SLC30A5: variants seen among roughly 807,000 people sequenced by gnomAD.
SLC30A5 encodes the protein solute carrier family 30 member 5.
SLC30A5 carries 33 observed loss-of-function variants against 79.6 expected under a neutral mutation model. The observed-to-expected ratio is 0.41, with a 90% confidence interval of 0.31 to 0.55. The LOEUF (loss-of-function observed/expected upper bound fraction) is 0.55, where lower values mean the gene tolerates loss of function less well. Ranked by LOEUF, SLC30A5 falls within the 20% of genes least tolerant of loss-of-function variation. SLC30A5 has a pLI of 0.20. For synonymous variants in SLC30A5, 299 were observed against 319.7 expected (o/e 0.94, Z 0.69); for missense variants, 788 against 928.1 (o/e 0.85, Z 1.96).
intron 14 of SLC30A5, among the ~76,000 whole-genome samples, chr5:69,124,496 C>T (rs1047208800): frequency 6.6e-6 from 1 of 151,942 alleles, no homozygotes; most frequent in Non-Finnish European, 1.5e-5. Flanking sequence ...TATCTCTATA[C>T]CATATTATAT....
chr5:69,097,109 CTTTTTTTT>C (rs1228027917), intron 1 of SLC30A5, among the ~76,000 whole-genome samples: 17 of 87,890 alleles, frequency 1.9e-4, no homozygotes, highest in East Asian at 6.5e-4. Context: ...CTCTCTTTTT[CTTTTTTTT>C]TTTTTTTTTT....
At position 69,112,374 on chromosome 5, in the gene SLC30A5, A is replaced by G. The variant is rs139651806; in HGVS notation, c.448-766A>G. Among the ~76,000 whole-genome samples the G allele has an allele frequency of 7.8e-3, 1,181 of 152,262 alleles. 14 individuals are homozygous for G. The highest frequency in any genetic ancestry group is 0.027 in the African/African-American group (1,111 of 41,558). ...CTGAAATATTTACATAAACCGAGCT[A>G]ATATGTCCTTTCTATAATTTTCTTT... On this transcript the variant is annotated intron_variant, in intron 5 of 15. Coordinates refer to ENST00000396591, the MANE Select transcript of SLC30A5 (RefSeq NM_022902.5).
intron 14 of SLC30A5, among the ~76,000 whole-genome samples, chr5:69,127,787 C>A (rs1488233613): frequency 6.6e-6 from 1 of 152,158 alleles, no homozygotes; most frequent in Non-Finnish European, 1.5e-5. Context: ...ATATTTTAGG[C>A]ACCTTTACTT....
At chr5:69,104,382 T>C in intron 3 of SLC30A5, 2 of 937,654 alleles carry the variant, frequency 2.1e-6, no homozygotes, top group Non-Finnish European at 2.8e-6. Context: ...CCTCAGGTGA[T>C]CTGCCTGCCT....
In SLC30A5 at chr5:69,117,391, C is replaced by A; in HGVS notation, c.1434C>A (p.Ser478=). 1 of 1,613,800 alleles carries A rather than the reference C, an allele frequency of 6.2e-7. No homozygotes were observed. Among genetic ancestry groups the A allele is most frequent in the Non-Finnish European group, 8.5e-7 (1 of 1,179,888 alleles). Residue 478 remains serine (S), a synonymous_variant, in exon 11 of 16, where the codon TCC becomes TCA. Transcript: ENST00000396591. ...GGTGGAAAGCCACTCGGATTTTCTC[C>A]TATGGGTAGGTACATTGACTGTCGA... is the stretch of plus-strand genomic sequence containing the variant. ...MSRWKATRIF[S]YGYGRIEILS... is the part of the protein sequence containing the mutation.
chr5:69,107,839 T>A (rs1255484504), intron 4 of SLC30A5, among the ~76,000 whole-genome samples: 1 of 152,046 alleles, frequency 6.6e-6, no homozygotes, highest in Non-Finnish European at 1.5e-5. Context: ...TTCAAGTGAT[T>A]CTCCTGCCTC....
At chr5:69,094,442 G>C in intron 1 of SLC30A5, 104 bp downstream of exon 1, 1 of 1,183,738 alleles carries the variant, frequency 8.4e-7, no homozygotes, top group Non-Finnish European at 1.1e-6. Flanking sequence ...TCCCGGGGTC[G>C]GCGCGCCCTC....
chr5:69,115,245 A>T lies in SLC30A5; in HGVS notation c.621A>T (p.Val207=), dbSNP rs1334749380. The part of the protein sequence containing the change: ...FLGVADHKGG[V]LLLVLALCCK... ...TCTAATTTTACTCACAGGGTGGAGT[A>T]TTATTGCTAGTACTGGCTTTGTGTT... Residue 207 remains valine, a synonymous_variant, in exon 8 of 16, where the codon GTA becomes GTT. Coordinates refer to ENST00000396591, the MANE Select transcript of SLC30A5 (RefSeq NM_022902.5). 2 of 1,603,048 alleles carry T rather than the reference A, an allele frequency of 1.2e-6. No individual in the cohort carries two copies. Among genetic ancestry groups the T allele is most frequent in the Non-Finnish European group, 1.7e-6 (2 of 1,173,108 alleles).
chr5:69,127,198 GC>G (rs1242156533), intron 14 of SLC30A5, among the ~76,000 whole-genome samples: 6 of 152,248 alleles, frequency 3.9e-5, no homozygotes, highest in Non-Finnish European at 7.4e-5. Flanking sequence ...CAAATAATGT[GC>G]ATATGAATGT....
In SLC30A5 at chr5:69,108,269, T is replaced by C. The variant is rs891876725; in HGVS notation, c.360-80T>C. ...GTGAAATCAAGGGGAAATGTTTTTCTTTCTCTAACTCTAGTTGAATTCATG... is the reference window on the plus strand; with the variant it reads ...GTGAAATCAAGGGGAAATGTTTTTCCTTCTCTAACTCTAGTTGAATTCATG... On this transcript the variant is annotated intron_variant, in intron 4 of 15. Coordinates refer to ENST00000396591, the MANE Select transcript of SLC30A5 (RefSeq NM_022902.5). 4.6e-5 allele frequency: 50 copies of C among 1,088,058 alleles called. 1 individual carries two copies. Among genetic ancestry groups the C allele is most frequent in the Non-Finnish European group, 6.8e-5 (50 of 735,102 alleles). 67.4% of individuals were successfully genotyped at this position (1,088,058 alleles called of 1,614,324 possible).
chr5:69,128,250 C>CTT (rs71612509), intron 15 of SLC30A5, 118 bp downstream of exon 15: 46,643 of 284,090 alleles, frequency 0.16, 5,442 homozygotes, highest in African/African-American at 0.41. Flanking sequence ...TCTTCCAACT[C>CTT]TTTTTTTTTT....
chr5:69,127,773 C>G (rs1263725047), intron 14 of SLC30A5, among the ~76,000 whole-genome samples: 1 of 152,120 alleles, frequency 6.6e-6, no homozygotes, highest in Admixed American at 6.6e-5. Context: ...AGAAATAGAT[C>G]AGAATATTTT....
chr5:69,107,843 C>T (rs1746123028), intron 4 of SLC30A5, among the ~76,000 whole-genome samples: 1 of 152,004 alleles, frequency 6.6e-6, no homozygotes, highest in Non-Finnish European at 1.5e-5. Context: ...AGTGATTCTC[C>T]TGCCTCAGCC....
At position 69,115,745 on chromosome 5, in the gene SLC30A5, T is replaced by C. The variant is rs1312840686; in HGVS notation, c.784-181T>C. On this transcript the variant is annotated intron_variant, in intron 8 of 15. Transcript: ENST00000396591. ...TGATTACACAATAGTGCTTTTGTTT[T>C]TTAAAACTTTGGAGAATACTGAGAA... 2.0e-5 allele frequency among the ~76,000 whole-genome samples: 3 copies of C among 152,240 alleles called. No homozygotes were observed. The South Asian group carries it at 6.2e-4, about 31-fold the overall frequency.
rs1746818697 is a variant in SLC30A5, at chr5:69,130,365, T to C, written c.*748T>C. ...TACCATGTTCCTTTAAAGTAGAATA[T>C]TTCCTTTCTTGTTATATATTTGACA... On this transcript the variant is annotated 3_prime_UTR_variant, in exon 16 of 16. Coordinates refer to ENST00000396591, the MANE Select transcript of SLC30A5 (RefSeq NM_022902.5). The C allele has an allele frequency of 6.6e-6, 1 of 152,190 alleles. No homozygotes were observed. The allele number at this position is 152,190 out of a possible 1,614,324, so 9.4% of individuals were successfully genotyped here. A position where few individuals can be genotyped will look rare whatever the true frequency, so the allele number is the denominator to read the frequency against.
At chr5:69,098,354 C>T (rs1474963052) in intron 1 of SLC30A5, among the ~76,000 whole-genome samples, 2 of 152,114 alleles carry the variant, frequency 1.3e-5, no homozygotes, top group African/African-American at 4.8e-5. Flanking sequence ...ATGGCAAAAA[C>T]CCATCTACTA....
chr5:69,116,358 C>A lies in SLC30A5; in HGVS notation c.1073-36C>A. 6.5e-7 allele frequency: 1 copy of A among 1,531,312 alleles called. No homozygotes were observed. The highest frequency in any genetic ancestry group is 1.3e-5 in the South Asian group (1 of 77,046). 94.9% of individuals were successfully genotyped at this position (1,531,312 alleles called of 1,614,324 possible). ...GTGTTGGTTTTGGTAGCTTAAACTT[C>A]GAAAATTTAAACAATATTGTTTTTT... On this transcript the variant is annotated intron_variant, in intron 9 of 15. Transcript: ENST00000396591. The surrounding 1 kb of genome is among the most constrained non-coding windows in gnomAD (Gnocchi z 4.0).
intron 12 of SLC30A5, among the ~76,000 whole-genome samples, chr5:69,119,741 C>T (rs1746484102): frequency 6.6e-6 from 1 of 152,120 alleles, no homozygotes; most frequent in Admixed American, 6.6e-5. Flanking sequence ...TGACTCTGGC[C>T]GGGTGCAGTG....
intron 1 of SLC30A5, among the ~76,000 whole-genome samples, chr5:69,098,338 A>G (rs1395669642): frequency 2.0e-5 from 3 of 152,146 alleles, no homozygotes; most frequent in Admixed American, 2.0e-4. Context: ...AGCCTGGCCA[A>G]CCAGCATGGC....
Sources: allele counts gnomAD v4.1 joint callset (sites outside exome capture counted in the v4.1 genomes callset), GRCh38; gene constraint gnomAD v4.1.1; non-coding constraint Gnocchi (gnomAD v3.1); transcripts MANE v1.5; gene names NCBI Gene and HGNC (gene_info 2026-07-23, HGNC 2026-07-21).